Variants in TTC8 observed in about 807,000 individuals in gnomAD.
The protein encoded by TTC8 is tetratricopeptide repeat protein 8.
In TTC8, 47 loss-of-function variants were observed where a neutral mutation model predicts 72.5. The observed-to-expected ratio is 0.65, with a 90% CI of 0.51 to 0.83. The LOEUF is 0.83. TTC8 is among the 40% of genes least tolerant of loss of function. TTC8 has a pLI of 0.00. For synonymous variants in TTC8, 199 were observed against 221.4 expected (o/e 0.90, Z 0.90); for missense variants, 611 against 623.2 (o/e 0.98, Z 0.21).
In TTC8 at chr14:88,843,743, C is replaced by T. The variant is rs577023462; in HGVS notation, c.580-63C>T. On this transcript the variant is annotated intron_variant, in intron 6 of 14. Transcript: ENST00000380656. ...TCTATAAATCCAGGGCTTTAGAGTA[C>T]TTTTGTTAACAGCAAATTAAAAAAA... The T allele has an allele frequency of 5.0e-5, 64 of 1,282,094 alleles. No homozygotes were observed. In the African/African-American group the frequency reaches 8.9e-4, roughly 18 times the overall value. The allele number at this position is 1,282,094 out of a possible 1,614,324, so 79.4% of individuals were successfully genotyped here.
In TTC8 at chr14:88,839,526, A is replaced by C. The variant is rs2094769908; in HGVS notation, c.219A>C (p.Gly73=). 1 of 1,613,262 alleles carries C rather than the reference A, an allele frequency of 6.2e-7. No homozygotes were observed. Among genetic ancestry groups the C allele is most frequent in the African/African-American group, 1.3e-5 (1 of 74,898 alleles). The change falls in exon 3 of 15, where the codon GGA becomes GGC. Residue 73 remains glycine (G), a synonymous_variant. Transcript: ENST00000380656. ...YIDEIDVDQE[G]IAEMMLDENA... is the part of the protein sequence containing the mutation. ...ATGAAATTGATGTAGATCAGGAAGG[A>C]ATTGCAGAAATGATGCTGGATGAAA...
At chr14:88,833,481 A>T (rs2094735814) in intron 1 of TTC8, among the ~76,000 whole-genome samples, 1 of 152,194 alleles carries the variant, frequency 6.6e-6, no homozygotes, top group South Asian at 2.1e-4. Flanking sequence ...ATTAATTAGA[A>T]TTTTCTGATC....
chr14:88,844,782 C>A (rs1693118420), intron 7 of TTC8, among the ~76,000 whole-genome samples: 1 of 151,858 alleles, frequency 6.6e-6, no homozygotes, highest in Non-Finnish European at 1.5e-5. Context: ...GAATTTCTGG[C>A]CTTAAGTGAT....
chr14:88,870,280 A>C, intron 11 of TTC8, 82 bp downstream of exon 11: 1 of 1,478,676 alleles, frequency 6.8e-7, no homozygotes, highest in Non-Finnish European at 9.5e-7. Flanking sequence ...GAAAGTATAG[A>C]GAAATAAGGT....
intron 10 of TTC8, among the ~76,000 whole-genome samples, chr14:88,866,032 A>T (rs1204162690): frequency 6.6e-6 from 1 of 152,112 alleles, no homozygotes; most frequent in Non-Finnish European, 1.5e-5. Context: ...ACTATTAATT[A>T]CTGCCAGATT....
At chr14:88,825,498 A>T (rs1449129914) in intron 1 of TTC8, among the ~76,000 whole-genome samples, 2 of 152,220 alleles carry the variant, frequency 1.3e-5, no homozygotes, top group African/African-American at 2.4e-5. Flanking sequence ...AACTTAAACT[A>T]GAGTAATGTG....
intron 2 of TTC8, among the ~76,000 whole-genome samples, chr14:88,834,697 TA>T (rs1238469164): frequency 2.0e-5 from 3 of 151,356 alleles, no homozygotes; most frequent in Non-Finnish European, 4.4e-5. Context: ...GGGGCAAAAC[TA>T]TTTTTTTTTT....
chr14:88,880,153 A>T (rs1017555497), downstream of TTC8: 4 of 152,302 alleles, frequency 2.6e-5, no homozygotes, highest in Non-Finnish European at 4.4e-5. Context: ...GCCATCACCA[A>T]ATAATTTTGT....
chr14:88,872,079 A>G (rs1272743240), intron 12 of TTC8, among the ~76,000 whole-genome samples: 3 of 152,186 alleles, frequency 2.0e-5, no homozygotes, highest in African/African-American at 7.2e-5. Context: ...GTTAGTTTGA[A>G]GAAATTTTCA....
downstream of TTC8, chr14:88,879,651 C>CATTATTATT (rs71130023): frequency 1.0e-3 from 141 of 141,174 alleles, 1 homozygote; most frequent in East Asian, 5.0e-3. Context: ...CGTGTCACTA[C>CATTATTATT]ATTATTATTA....
chr14:88,845,472 T>C (rs964263999), intron 7 of TTC8, among the ~76,000 whole-genome samples: 3 of 152,126 alleles, frequency 2.0e-5, no homozygotes, highest in African/African-American at 7.2e-5. Context: ...CTGGGCCACA[T>C]GTATAGAATG....
intron 7 of TTC8, among the ~76,000 whole-genome samples, chr14:88,851,958 A>G (rs1483519167): frequency 4.6e-5 from 7 of 152,226 alleles, no homozygotes; most frequent in Non-Finnish European, 2.9e-5. Context: ...GTTGGTATTA[A>G]GAAGTGGACA....
chr14:88,837,755 C>G (rs1595936788), intron 2 of TTC8, among the ~76,000 whole-genome samples: 1 of 152,150 alleles, frequency 6.6e-6, no homozygotes, highest in East Asian at 1.9e-4. Flanking sequence ...TGAGGACTTC[C>G]CCGATCCCTG....
chr14:88,842,848 T>C (rs2094788185), intron 6 of TTC8, among the ~76,000 whole-genome samples: 1 of 152,218 alleles, frequency 6.6e-6, no homozygotes, highest in South Asian at 2.1e-4. Context: ...TATGACACTG[T>C]CTTTGATGCT....
At chr14:88,846,623 A>G in intron 7 of TTC8, 2 of 1,471,484 alleles carry the variant, frequency 1.4e-6, no homozygotes, top group Non-Finnish European at 1.8e-6. Flanking sequence ...GTAGTTCTAC[A>G]TCTTGGAATT....
At chr14:88,832,476 C>T (rs572591366) in intron 1 of TTC8, among the ~76,000 whole-genome samples, 1 of 152,182 alleles carries the variant, frequency 6.6e-6, no homozygotes, top group African/African-American at 2.4e-5. Context: ...ATGTCCAACT[C>T]TCTTTTTTTT....
intron 1 of TTC8, among the ~76,000 whole-genome samples, chr14:88,825,115 G>A (rs1433592670): frequency 1.3e-5 from 2 of 152,206 alleles, no homozygotes; most frequent in Non-Finnish European, 2.9e-5. Flanking sequence ...ACTTGACGAG[G>A]AACTTTGATA....
At chr14:88,831,852 C>A (rs2094727412) in intron 1 of TTC8, among the ~76,000 whole-genome samples, 1 of 152,074 alleles carries the variant, frequency 6.6e-6, no homozygotes, top group African/African-American at 2.4e-5. Context: ...AATAATCTCC[C>A]CCTTCTCTGA....
intron 14 of TTC8, 96 bp downstream of exon 14, chr14:88,875,205 C>A: frequency 2.9e-6 from 3 of 1,037,724 alleles, no homozygotes; most frequent in Non-Finnish European, 4.3e-6. Flanking sequence ...CTAACCTCAT[C>A]TTCCTGAAAG....
Sources: allele counts gnomAD v4.1 joint callset (sites outside exome capture counted in the v4.1 genomes callset), GRCh38; gene constraint gnomAD v4.1.1; transcripts MANE v1.5; gene names NCBI Gene and HGNC (gene_info 2026-07-23, HGNC 2026-07-21).